CTNNA1: variants seen among roughly 807,000 people sequenced by gnomAD.
CTNNA1 encodes the protein catenin alpha 1, also known as catenin alpha-1.
A neutral mutation model predicts 98.4 loss-of-function variants in CTNNA1; 37 were observed. The observed-to-expected ratio is 0.38, with a 90% confidence interval of 0.29 to 0.49. The LOEUF is 0.49. Ranked by LOEUF, CTNNA1 falls within the 20% of genes least tolerant of loss-of-function variation. The pLI, the probability that CTNNA1 is intolerant of heterozygous loss-of-function variation, is 0.95. For missense variants in CTNNA1, 761 were observed against 1,147.2 expected (o/e 0.66, Z 4.86); for synonymous variants, 404 against 413.2 (o/e 0.98, Z 0.27).
chr5:138,891,425 G>A (rs1755323886), intron 9 of CTNNA1, among the ~76,000 whole-genome samples: 3 of 151,778 alleles, frequency 2.0e-5, no homozygotes, highest in Admixed American at 2.0e-4. Flanking sequence ...TCCTGTCCAT[G>A]TGCTTGCTGA....
chr5:138,916,836 A>G (rs984005626), intron 10 of CTNNA1, among the ~76,000 whole-genome samples: 51 of 151,582 alleles, frequency 3.4e-4, no homozygotes, highest in Non-Finnish European at 8.8e-5. Context: ...GTGCAGTGGC[A>G]TGATCTCAGC....
intron 9 of CTNNA1, among the ~76,000 whole-genome samples, chr5:138,888,847 G>A (rs1296490864): frequency 2.0e-5 from 3 of 151,960 alleles, no homozygotes; most frequent in Non-Finnish European, 4.4e-5. Flanking sequence ...GCTAGGCCAC[G>A]TTAATACCAT....
chr5:138,866,181 C>T (rs987377952), intron 7 of CTNNA1, among the ~76,000 whole-genome samples: 12 of 151,998 alleles, frequency 7.9e-5, no homozygotes, highest in African/African-American at 1.9e-4. Flanking sequence ...TCTCATAACC[C>T]GGTCTGGAAA....
intron 3 of CTNNA1, among the ~76,000 whole-genome samples, chr5:138,787,976 G>T (rs1755896966): frequency 6.6e-6 from 1 of 152,172 alleles, no homozygotes; most frequent in Admixed American, 6.5e-5. Flanking sequence ...AAATCTCTGT[G>T]ATCTAAGAGT....
chr5:138,907,177 A>G (rs1759448935), intron 10 of CTNNA1, among the ~76,000 whole-genome samples: 1 of 152,094 alleles, frequency 6.6e-6, no homozygotes, highest in Non-Finnish European at 1.5e-5. Context: ...ATGTGCCACC[A>G]TGCCCAGCTA....
intron 7 of CTNNA1, among the ~76,000 whole-genome samples, chr5:138,840,335 T>C (rs1762167421): frequency 6.6e-6 from 1 of 152,238 alleles, no homozygotes; most frequent in Non-Finnish European, 1.5e-5. Flanking sequence ...ATTTCCAGTC[T>C]GCATGATTTT....
intron 1 of CTNNA1, 101 bp downstream of exon 1, chr5:138,753,611 G>C (rs1280312996): frequency 2.8e-6 from 1 of 358,984 alleles, no homozygotes; most frequent in African/African-American, 2.1e-5. Context: ...AGCCGCGGGC[G>C]GGCGAGCGGG....
At chr5:138,805,142 A>G (rs1039178429) in intron 3 of CTNNA1, among the ~76,000 whole-genome samples, 1 of 152,166 alleles carries the variant, frequency 6.6e-6, no homozygotes, top group Admixed American at 6.5e-5. Context: ...GAACAGCACC[A>G]AGAGGTTGGT....
intron 17 of CTNNA1, 79 bp downstream of exon 17, chr5:138,932,791 C>T: frequency 6.5e-6 from 10 of 1,534,156 alleles, no homozygotes; most frequent in Non-Finnish European, 9.0e-6. Context: ...CTCCTATCCG[C>T]ATAAACACCT....
intron 3 of CTNNA1, among the ~76,000 whole-genome samples, chr5:138,800,759 C>T (rs975814883): frequency 5.3e-5 from 8 of 151,946 alleles, no homozygotes; most frequent in South Asian, 2.1e-4. Context: ...GCTGAGATCG[C>T]GCCACTGCAT....
rs1465950903 is a variant in CTNNA1 at position 138,917,803 on chromosome 5, T to C, written c.1451T>C (p.Met484Thr). 1.9e-6 allele frequency: 3 copies of C among 1,614,182 alleles called. No individual in the cohort carries two copies. Among genetic ancestry groups the C allele is most frequent in the Non-Finnish European group, 2.5e-6 (3 of 1,180,018 alleles). Residue 484 changes from methionine to threonine, a missense_variant, in exon 11 of 18, where the codon ATG (methionine) becomes ACG (threonine). By Grantham distance (81) the Met-to-Thr change is moderately conservative (BLOSUM62 -1). Around this residue, in one of 6 missense-constraint regions of CTNNA1, gnomAD observed 287 missense variants for 436.0 expected, o/e 0.66. Coordinates refer to ENST00000302763, the MANE Select transcript of CTNNA1 (RefSeq NM_001903.5). ...KPQSKLAQEN[M>T]DLFKEQWEKQ... ...CAGAGTAAACTGGCCCAAGAGAACA[T>C]GGATCTTTTTAAAGAACAATGGGAA...
chr5:138,769,108 G>T (rs1356085214), intron 1 of CTNNA1, among the ~76,000 whole-genome samples: 1 of 151,912 alleles, frequency 6.6e-6, no homozygotes, highest in Non-Finnish European at 1.5e-5. Context: ...GCCCAGGCTG[G>T]TCTGGAACTC....
chr5:138,925,837 G>T (rs1368771120), intron 13 of CTNNA1, among the ~76,000 whole-genome samples: 2 of 152,210 alleles, frequency 1.3e-5, no homozygotes, highest in East Asian at 3.9e-4. Flanking sequence ...GTGTTGGGGG[G>T]AGGAGCGGCC....
chr5:138,887,676 C>T lies in CTNNA1; in HGVS notation c.1296+34C>T, dbSNP rs552815501. ...ATTAGCAGTTTCATTGACTTGTAGG[C>T]AACTTGGTGAAGTGTGGTGAGTTTT... On this transcript the variant is annotated intron_variant, in intron 9 of 17. Coordinates refer to ENST00000302763, the MANE Select transcript of CTNNA1 (RefSeq NM_001903.5). 9.5e-6 allele frequency: 15 copies of T among 1,581,390 alleles called. No homozygotes were observed. In the Admixed American group the frequency reaches 2.2e-4, roughly 23 times the overall value.
chr5:138,783,126 AGTTT>A lies in CTNNA1; in HGVS notation c.106-48_106-45del, dbSNP rs769461226. The A allele has an allele frequency of 2.2e-6, 3 of 1,380,810 alleles. No homozygotes were observed. Among genetic ancestry groups the A allele is most frequent in the East Asian group, 2.3e-5 (1 of 43,072 alleles). The allele number at this position is 1,380,810 out of a possible 1,614,324, so 85.5% of individuals were successfully genotyped here. A position where few individuals can be genotyped will look rare whatever the true frequency, so the allele number is the denominator to read the frequency against. On this transcript the variant is annotated intron_variant, in intron 2 of 17. Coordinates refer to ENST00000302763, the MANE Select transcript of CTNNA1 (RefSeq NM_001903.5). ...TAATCTTGCTGTCTTTAAAGATATT[AGTTT>A]GTCATTTTAATTGACTCCAGTTTAA...
intron 3 of CTNNA1, among the ~76,000 whole-genome samples, chr5:138,809,297 G>T (rs1758428466): frequency 6.6e-6 from 1 of 152,150 alleles, no homozygotes; most frequent in South Asian, 2.1e-4. Context: ...AGTACGAAAT[G>T]TAAAGAGGCC....
At chr5:138,819,052 G>C (rs1759739503) in intron 5 of CTNNA1, among the ~76,000 whole-genome samples, 1 of 124,692 alleles carries the variant, frequency 8.0e-6, no homozygotes. Context: ...TAGGGGGCAG[G>C]GCACAGCATT....
chr5:138,932,429 G>A lies in CTNNA1; in HGVS notation c.2299-149G>A, dbSNP rs891693762. On this transcript the variant is annotated intron_variant, in intron 16 of 17. Coordinates refer to ENST00000302763, the MANE Select transcript of CTNNA1 (RefSeq NM_001903.5). ...CCCAAGCAGAGTGTAGGCAAGGGCT[G>A]TGACTGCCTCAGGTAATTGGGTGAT... The A allele has an allele frequency of 2.1e-5, 30 of 1,455,784 alleles. No homozygotes were observed. In the African/African-American group the frequency reaches 4.3e-4, roughly 21 times the overall value. 90.2% of individuals were successfully genotyped at this position (1,455,784 alleles called of 1,614,324 possible). A position where few individuals can be genotyped will look rare whatever the true frequency, so the allele number is the denominator to read the frequency against.
chr5:138,875,355 G>A lies in CTNNA1; in HGVS notation c.1063-10857G>A, dbSNP rs534308840. 69 of 991,202 alleles carry A rather than the reference G, an allele frequency of 7.0e-5. No homozygotes were observed. The East Asian group carries it at 7.5e-4, about 11-fold the overall frequency. 61.4% of individuals were successfully genotyped at this position (991,202 alleles called of 1,614,324 possible). On this transcript the variant is annotated intron_variant, in intron 7 of 17. Transcript: ENST00000302763. The stretch of plus-strand genomic sequence containing the variant: ...AAGAATGGATTTGCTTATGTGCTGC[G>A]ACCACACAGAACTGTATATAGGCTG...
Sources: allele counts gnomAD v4.1 joint callset (sites outside exome capture counted in the v4.1 genomes callset), GRCh38; gene constraint gnomAD v4.1.1; regional missense constraint gnomAD v4.1.1; transcripts MANE v1.5; gene names NCBI Gene and HGNC (gene_info 2026-07-23, HGNC 2026-07-21).